ZMYM5: variants seen among roughly 807,000 people sequenced by gnomAD.
ZMYM5 encodes the protein zinc finger MYM-type containing 5.
In ZMYM5, 41 loss-of-function variants were observed where a neutral mutation model predicts 61.8. That is an observed-to-expected ratio of 0.66 (90% CI 0.52 to 0.86). The LOEUF is 0.86. Ranked by LOEUF, ZMYM5 falls within the 40% of genes least tolerant of loss-of-function variation. The pLI, the probability that ZMYM5 is intolerant of heterozygous loss-of-function variation, is 0.00. For missense variants in ZMYM5, 706 were observed against 786.7 expected (o/e 0.90, Z 1.23); for synonymous variants, 257 against 276.4 (o/e 0.93, Z 0.70).
chr13:19,841,268 T>C (rs1952868060), intron 4 of ZMYM5, among the ~76,000 whole-genome samples: 1 of 152,172 alleles, frequency 6.6e-6, no homozygotes, highest in African/African-American at 2.4e-5. Context: ...GACCTATTTT[T>C]ATATGAAAAA....
chr13:19,826,616 A>G (rs1418974678), intron 7 of ZMYM5, among the ~76,000 whole-genome samples: 1 of 151,880 alleles, frequency 6.6e-6, no homozygotes, highest in Non-Finnish European at 1.5e-5. Context: ...TTAGCTGGGC[A>G]TGGTGGCGGG....
intron 2 of ZMYM5, among the ~76,000 whole-genome samples, chr13:19,860,427 A>ATT (rs1240279855): frequency 3.1e-5 from 4 of 128,734 alleles, no homozygotes; most frequent in South Asian, 2.6e-4. Context: ...GGCCCGGCTA[A>ATT]TTTTGTGTGT....
At chr13:19,838,638 G>C in intron 5 of ZMYM5, 62 bp downstream of exon 5, 1 of 1,564,924 alleles carries the variant, frequency 6.4e-7, no homozygotes, top group Non-Finnish European at 8.7e-7. Context: ...CAGTTATATT[G>C]AGTACTTATT....
chr13:19,824,614 TTTC>T lies in ZMYM5; in HGVS notation c.1870_1872del (p.Glu624del). 1.5e-6 allele frequency: 2 copies of T among 1,313,062 alleles called. No homozygotes were observed. Among genetic ancestry groups the T allele is most frequent in the Non-Finnish European group, 2.0e-6 (2 of 994,204 alleles). The allele number at this position is 1,313,062 out of a possible 1,614,324, so 81.3% of individuals were successfully genotyped here. A position where few individuals can be genotyped will look rare whatever the true frequency, so the allele number is the denominator to read the frequency against. ...ACACTATTGTTGACGTGCATTTCAC[TTTC>T]TTCATGTTTACTAAGAATATGTGAT... is the stretch of plus-strand genomic sequence containing the variant. On this transcript the variant is annotated inframe_deletion, in exon 8 of 8. Coordinates refer to ENST00000337963, the MANE Select transcript of ZMYM5 (RefSeq NM_001142684.2).
In ZMYM5 at chr13:19,824,793, G is replaced by A. The variant is rs1593834024; in HGVS notation, c.1694C>T (p.Thr565Ile). The change falls in exon 8 of 8, where the codon ACA becomes ATA. Residue 565 changes from threonine (T) to isoleucine (I), a missense_variant. Around this residue, in one of 2 missense-constraint regions of ZMYM5, gnomAD observed 226 missense variants for 325.0 expected, o/e 0.70. Coordinates refer to ENST00000337963, the MANE Select transcript of ZMYM5 (RefSeq NM_001142684.2). Reference sequence around the variant, plus strand: ...TTTTTCACCATTTGGAAGAATCCGTGTATAATAAGTTTCTGAAAACTTCCT... The same window carrying A: ...TTTTTCACCATTTGGAAGAATCCGTATATAATAAGTTTCTGAAAACTTCCT... ...TGRKFSETYY[T>I]RILPNGEKTT... 2.2e-6 allele frequency: 3 copies of A among 1,354,938 alleles called. No homozygotes were observed. The African/African-American group carries it at 4.4e-5, about 20-fold the overall frequency. 83.9% of individuals were successfully genotyped at this position (1,354,938 alleles called of 1,614,324 possible).
intron 2 of ZMYM5, among the ~76,000 whole-genome samples, chr13:19,859,117 A>C (rs866808437): frequency 2.0e-5 from 3 of 151,726 alleles, no homozygotes; most frequent in Non-Finnish European, 4.4e-5. Context: ...GGGCAACAAG[A>C]GCAAAACTCC....
intron 2 of ZMYM5, among the ~76,000 whole-genome samples, chr13:19,853,185 C>A (rs17072945): frequency 0.018 from 2,796 of 152,312 alleles, 84 homozygotes; most frequent in African/African-American, 0.062. Context: ...AACACTCAAC[C>A]TTTTGTATAC....
At chr13:19,834,437 GACAA>G (rs1212916030) in intron 7 of ZMYM5, among the ~76,000 whole-genome samples, 1 of 151,692 alleles carries the variant, frequency 6.6e-6, no homozygotes, top group Non-Finnish European at 1.5e-5. Flanking sequence ...AGACAAAACA[GACAA>G]CTACCACATT....
chr13:19,834,645 T>C (rs1275400441), intron 7 of ZMYM5, among the ~76,000 whole-genome samples: 1 of 152,140 alleles, frequency 6.6e-6, no homozygotes, highest in Non-Finnish European at 1.5e-5. Context: ...GTGGGAGTGC[T>C]AAATGGTACA....
At chr13:19,848,886 G>A (rs1398238413) in intron 4 of ZMYM5, among the ~76,000 whole-genome samples, 4 of 151,870 alleles carry the variant, frequency 2.6e-5, no homozygotes, top group African/African-American at 9.7e-5. Flanking sequence ...CACTATACCT[G>A]GCTAAAGCTT....
chr13:19,830,313 T>C (rs115393917), intron 7 of ZMYM5, among the ~76,000 whole-genome samples: 1 of 152,320 alleles, frequency 6.6e-6, no homozygotes, highest in African/African-American at 2.4e-5. Flanking sequence ...GGGAAGCACA[T>C]TTATAAAATG....
chr13:19,861,117 G>T (rs1267560005), intron 2 of ZMYM5, among the ~76,000 whole-genome samples: 2 of 152,042 alleles, frequency 1.3e-5, no homozygotes, highest in Non-Finnish European at 2.9e-5. Context: ...AGAGTGCTGG[G>T]ATTACAGGAG....
chr13:19,829,307 G>A (rs116815043), intron 7 of ZMYM5, among the ~76,000 whole-genome samples: 1,702 of 152,026 alleles, frequency 0.011, 29 homozygotes, highest in African/African-American at 0.039. Flanking sequence ...AATATATTTT[G>A]AGATAGTCTC....
intron 2 of ZMYM5, among the ~76,000 whole-genome samples, chr13:19,852,706 G>A (rs1413628630): frequency 2.6e-5 from 4 of 152,098 alleles, no homozygotes; most frequent in African/African-American, 9.7e-5. Flanking sequence ...ATTATGCAAT[G>A]GGCTTTTTAC....
At chr13:19,860,935 C>A (rs1052181869) in intron 2 of ZMYM5, among the ~76,000 whole-genome samples, 3 of 136,832 alleles carry the variant, frequency 2.2e-5, no homozygotes, top group African/African-American at 8.1e-5. Flanking sequence ...TATATGCGCA[C>A]GTGTGTGTGT....
At position 19,825,104 on chromosome 13, in the gene ZMYM5, T is replaced by A. The variant is rs370859216; in HGVS notation, c.1383A>T (p.Glu461Asp). Residue 461 changes from glutamate to aspartate, a missense_variant, in exon 8 of 8, where the codon GAA becomes GAT. Glu to Asp is a conservative substitution (Grantham distance 45). Around this residue, in one of 2 missense-constraint regions of ZMYM5, gnomAD observed 226 missense variants for 325.0 expected, o/e 0.70. Coordinates refer to ENST00000337963, the MANE Select transcript of ZMYM5 (RefSeq NM_001142684.2). ...GTAGCTGTGAAGTCTTTTCCTTTTT[T>A]TCTGGGATTCCCTCTATTTTTTTCA... ...TLLKKIEGIP[E>D]KKEKTSQLQL... The A allele has an allele frequency of 2.9e-6, 4 of 1,366,698 alleles. No homozygotes were observed. In the African/African-American group the frequency reaches 5.9e-5, roughly 20 times the overall value. The allele number at this position is 1,366,698 out of a possible 1,614,324, so 84.7% of individuals were successfully genotyped here.
intron 7 of ZMYM5, among the ~76,000 whole-genome samples, chr13:19,827,583 T>A (rs1890973564): frequency 6.6e-6 from 1 of 152,204 alleles, no homozygotes; most frequent in South Asian, 2.1e-4. Context: ...CATTGTTAGA[T>A]GAGGTCACCA....
chr13:19,834,519 C>T (rs1952618810), intron 7 of ZMYM5, among the ~76,000 whole-genome samples: 1 of 151,786 alleles, frequency 6.6e-6, no homozygotes. Context: ...AACTCCTGGC[C>T]TCAGCTGATT....
chr13:19,830,971 T>C (rs991451013), intron 7 of ZMYM5, among the ~76,000 whole-genome samples: 6 of 150,798 alleles, frequency 4.0e-5, no homozygotes, highest in African/African-American at 9.8e-5. Context: ...TCCAGGGTAG[T>C]TGGGACTACA....
Sources: gnomAD v4.1 joint callset for allele counts (sites outside exome capture counted in the v4.1 genomes callset) on GRCh38, gnomAD v4.1.1 for gene constraint, gnomAD v4.1.1 regional missense constraint, MANE v1.5 for transcripts, NCBI Gene and HGNC (gene_info 2026-07-23, HGNC 2026-07-21) for gene names.